CYP4F11: variants seen among roughly 807,000 people sequenced by gnomAD.
CYP4F11 encodes cytochrome P450 4F11.
CYP4F11 carries 79 observed loss-of-function variants against 62.2 expected under a neutral mutation model. The ratio of observed to expected loss-of-function variants is 1.27; its 90% CI spans 1.06 to 1.53. The LOEUF is 1.53. Ranked by LOEUF, CYP4F11 falls within the 40% of genes most tolerant of loss-of-function variation. CYP4F11 has a pLI of 0.00. For synonymous variants in CYP4F11, 290 were observed against 263.7 expected (o/e 1.10, Z -0.97); for missense variants, 777 against 680.5 (o/e 1.14, Z -1.58).
rs1183276800 is a variant in CYP4F11, at chr19:15,912,805, T to TATATATACAC, written c.*926_*927insGTGTATATAT. ...TATATATATAATATATATATATATA[T>TATATATACAC]ACATATCTTATATGCACAGCCCTCT... On this transcript the variant is annotated 3_prime_UTR_variant, in exon 12 of 12. Coordinates refer to ENST00000402119, the MANE Select transcript of CYP4F11 (RefSeq NM_021187.4). 3.6e-4 allele frequency: 36 copies of TATATATACAC among 101,238 alleles called. No homozygotes were observed. The highest frequency in any genetic ancestry group is 1.4e-3 in the African/African-American group (32 of 23,410). The allele number at this position is 101,238 out of a possible 1,614,324, so 6.3% of individuals were successfully genotyped here.
At chr19:15,928,538 C>A (rs999148389) in intron 2 of CYP4F11, among the ~76,000 whole-genome samples, 9 of 152,212 alleles carry the variant, frequency 5.9e-5, no homozygotes, top group African/African-American at 1.7e-4. Context: ...CCACTCTCCC[C>A]AGACTTACAG....
At chr19:15,921,626 A>T (rs2089629994) in intron 8 of CYP4F11, among the ~76,000 whole-genome samples, 1 of 152,252 alleles carries the variant, frequency 6.6e-6, no homozygotes, top group East Asian at 1.9e-4. Flanking sequence ...GGTGTTCTGG[A>T]TAGGAATGAA....
intron 8 of CYP4F11, among the ~76,000 whole-genome samples, chr19:15,915,350 A>G (rs1478536953): frequency 6.6e-6 from 1 of 152,236 alleles, no homozygotes; most frequent in Non-Finnish European, 1.5e-5. Context: ...CGGTGATTTT[A>G]TACTTAGAAA....
chr19:15,924,043 A>G lies in CYP4F11; in HGVS notation c.687T>C (p.Ser229=). 6.2e-7 allele frequency: 1 copy of G among 1,614,190 alleles called. No homozygotes were observed. The change falls in exon 6 of 12, where the codon AGT becomes AGC. Residue 229 remains serine, a synonymous_variant. Transcript: ENST00000402119. ...GCTGGTTTCTCTTTTCTACAAAGGCACTGAGCTCCAAGATGGCGGCAATAT... is the reference window on the plus strand; with the variant it reads ...GCTGGTTTCTCTTTTCTACAAAGGCGCTGAGCTCCAAGATGGCGGCAATAT... ...SEYIAAILEL[S]AFVEKRNQQI...
intron 5 of CYP4F11, 101 bp from the exon 6 acceptor site, chr19:15,924,183 A>T: frequency 7.0e-7 from 1 of 1,428,026 alleles, no homozygotes; most frequent in Admixed American, 2.0e-5. Context: ...GTATCCAGAA[A>T]CAGCCAGGAG....
intron 8 of CYP4F11, among the ~76,000 whole-genome samples, chr19:15,918,380 A>G (rs2089598118): frequency 6.6e-6 from 1 of 152,122 alleles, no homozygotes; most frequent in Admixed American, 6.6e-5. Context: ...GCAGCAAACC[A>G]CTATGGCACA....
Position 15,934,413 on chromosome 19 carries a change from C to T in CYP4F11, c.-5G>A, listed in dbSNP as rs1393133867. 4 of 1,612,562 alleles carry T rather than the reference C, an allele frequency of 2.5e-6. No homozygotes were observed. Among genetic ancestry groups the T allele is most frequent in the Non-Finnish European group, 2.5e-6 (3 of 1,179,456 alleles). On this transcript the variant is annotated 5_prime_UTR_variant, in exon 1 of 12. Transcript: ENST00000402119. ...GGACAGGCTCAGCTGCGGCATCCTG[C>T]AGGGCAGACGGGATGGAGGGTGGGA...
intron 10 of CYP4F11, 55 bp from the exon 11 acceptor site, chr19:15,914,442 C>A: frequency 6.3e-7 from 1 of 1,582,468 alleles, no homozygotes; most frequent in Non-Finnish European, 8.6e-7. Context: ...TGGGTGGGGT[C>A]TCCCAGTTGT....
chr19:15,912,743 ATATGTG>A lies in CYP4F11; in HGVS notation c.*983_*988del, dbSNP rs1234685753. ...TGTGTGTGTGTGTGTGTATATGTAT[ATATGTG>A]TGTGTGTGTGTGTGTGTGTGTGTAT... On this transcript the variant is annotated 3_prime_UTR_variant, in exon 12 of 12. Coordinates refer to ENST00000402119, the MANE Select transcript of CYP4F11 (RefSeq NM_021187.4). The A allele has an allele frequency of 3.5e-4, 12 of 34,108 alleles. No individual in the cohort carries two copies. The highest frequency in any genetic ancestry group is 1.2e-3 in the African/African-American group (10 of 8,650). 2.1% of individuals were successfully genotyped at this position (34,108 alleles called of 1,614,324 possible).
chr19:15,924,893 A>T lies in CYP4F11; in HGVS notation c.526-11T>A. 1 of 1,604,852 alleles carries T rather than the reference A, an allele frequency of 6.2e-7. No individual in the cohort carries two copies. The highest frequency in any genetic ancestry group is 2.2e-5 in the East Asian group (1 of 44,544). On this transcript the variant is annotated splice_polypyrimidine_tract_variant and intron_variant, in intron 4 of 11. Transcript: ENST00000402119. ...GCGCTGCCACTTGTCCTGGCCAGAG[A>T]AAAAACAGAGCCAAAGCTGGGAACT... is the stretch of plus-strand genomic sequence containing the variant.
Position 15,934,305 on chromosome 19 carries a change from A to C in CYP4F11, c.104T>G (p.Leu35Arg). ...VGGSWLLARV[L>R]AWTYTFYDNC... The stretch of plus-strand genomic sequence containing the variant: ...GTCATAGAAGGTGTAGGTCCAGGCC[A>C]GGACGCGGGCCAGGAGCCAGGAGCC... The change falls in exon 1 of 12, where the codon CTG becomes CGG. Residue 35 changes from leucine to arginine, a missense_variant. Leu to Arg is a moderately radical substitution (Grantham distance 102). Transcript: ENST00000402119. 1.2e-6 allele frequency: 2 copies of C among 1,613,498 alleles called. No homozygotes were observed. Among genetic ancestry groups the C allele is most frequent in the Non-Finnish European group, 1.7e-6 (2 of 1,179,726 alleles).
intron 6 of CYP4F11, among the ~76,000 whole-genome samples, chr19:15,923,238 CCTCTCT>C (rs3056063): frequency 0.01 from 1,160 of 110,498 alleles, 7 homozygotes; most frequent in African/African-American, 0.023. Flanking sequence ...AAGCAAACAT[CCTCTCT>C]CTCTCTCTCT....
chr19:15,917,873 T>C (rs1341910037), intron 8 of CYP4F11, among the ~76,000 whole-genome samples: 1 of 152,132 alleles, frequency 6.6e-6, no homozygotes, highest in Non-Finnish European at 1.5e-5. Flanking sequence ...AAAAATTTAG[T>C]GTGGTGAGTC....
chr19:15,925,240 G>A (rs567582224), intron 4 of CYP4F11, among the ~76,000 whole-genome samples: 4 of 152,178 alleles, frequency 2.6e-5, no homozygotes, highest in Non-Finnish European at 5.9e-5. Context: ...TCCACCACTC[G>A]TAGCTCACTT....
Position 15,923,867 on chromosome 19 carries a change from T to C in CYP4F11, c.863A>G (p.Lys288Arg). The C allele has an allele frequency of 4.3e-6, 7 of 1,614,234 alleles. No individual in the cohort carries two copies. Among genetic ancestry groups the C allele is most frequent in the Non-Finnish European group, 5.9e-6 (7 of 1,180,044 alleles). ...LPTQGIDDFLKNKAKSKTLDF... is the reference protein window; with the variant it reads ...LPTQGIDDFLRNKAKSKTLDF... ...TAAAGTCTTGGACTTTGCCTTGTTC[T>C]TGAGGAAATCATCAATACCCTGAGT... The change falls in exon 6 of 12, where the codon AAG becomes AGG. Residue 288 changes from lysine (K) to arginine (R), a missense_variant. Transcript: ENST00000402119.
rs959005544 is a variant in CYP4F11, at chr19:15,927,589, C to G, written c.344-106G>C. 4.8e-6 allele frequency: 7 copies of G among 1,467,370 alleles called. No individual in the cohort carries two copies. In the African/African-American group the frequency reaches 9.8e-5, roughly 20 times the overall value. 90.9% of individuals were successfully genotyped at this position (1,467,370 alleles called of 1,614,324 possible). A position where few individuals can be genotyped will look rare whatever the true frequency, so the allele number is the denominator to read the frequency against. On this transcript the variant is annotated intron_variant, in intron 2 of 11. Coordinates refer to ENST00000402119, the MANE Select transcript of CYP4F11 (RefSeq NM_021187.4). ...GGGTGTGCACTTCCACGCATCCCACCCAGCATAGCAGGAAGAAGGCCAAGG... is the reference window on the plus strand; with the variant it reads ...GGGTGTGCACTTCCACGCATCCCACGCAGCATAGCAGGAAGAAGGCCAAGG...
At chr19:15,929,641 A>T (rs983925037) in intron 1 of CYP4F11, 40 bp from the exon 2 acceptor site, 108 of 1,536,490 alleles carry the variant, frequency 7.0e-5, no homozygotes, top group Non-Finnish European at 9.2e-5. Context: ...TGTGATGGTT[A>T]ATTCTAGGCA....
At chr19:15,927,633 A>G in intron 2 of CYP4F11, 150 bp from the exon 3 acceptor site, 3 of 1,046,628 alleles carry the variant, frequency 2.9e-6, no homozygotes, top group Non-Finnish European at 4.2e-6. Context: ...AGAAGGGAGG[A>G]TGGTGGAGGA....
intron 8 of CYP4F11, 93 bp downstream of exon 8, chr19:15,921,944 G>A (rs1026600598): frequency 7.0e-7 from 1 of 1,427,912 alleles, no homozygotes; most frequent in African/African-American, 1.4e-5. Flanking sequence ...AAGCGATAAT[G>A]GAAGAATTGA....
Sources: allele counts gnomAD v4.1 joint callset (sites outside exome capture counted in the v4.1 genomes callset), GRCh38; gene constraint gnomAD v4.1.1; transcripts MANE v1.5; gene names NCBI Gene and HGNC (gene_info 2026-07-23, HGNC 2026-07-21).